SIX4: variants seen among roughly 807,000 people sequenced by gnomAD.
The protein encoded by SIX4 is homeobox protein SIX4.
In SIX4, 23 loss-of-function variants were observed where a neutral mutation model predicts 51.5. That is an observed-to-expected ratio of 0.45 (90% CI 0.32 to 0.63). The LOEUF is 0.63. Ranked by LOEUF, SIX4 falls within the 30% of genes least tolerant of loss-of-function variation. SIX4 has a pLI of 0.04. For missense variants in SIX4, 867 were observed against 984.0 expected, an observed-to-expected ratio of 0.88 and a Z score of 1.59; for synonymous variants, 413 against 417.3, an observed-to-expected ratio of 0.99 and a Z score of 0.13.
chr14:60,723,938 G>A lies in SIX4; in HGVS notation c.137C>T (p.Pro46Leu), dbSNP rs1004539507. 3 of 1,509,668 alleles carry A rather than the reference G, an allele frequency of 2.0e-6. No homozygotes were observed. The highest frequency in any genetic ancestry group is 2.9e-5 in the African/African-American group (2 of 69,974). The allele number at this position is 1,509,668 out of a possible 1,614,324, so 93.5% of individuals were successfully genotyped here. A position where few individuals can be genotyped will look rare whatever the true frequency, so the allele number is the denominator to read the frequency against. Reference sequence around the variant, plus strand: ...CTCCAGGGGAAAAGGGGCTGGAGCCGGGGGGCTCAGCCCTACCGCCGCGCC... The same window carrying A: ...CTCCAGGGGAAAAGGGGCTGGAGCCAGGGGGCTCAGCCCTACCGCCGCGCC... ...AGGAAVGLSP[P>L]APAPFPLEPG... Residue 46 changes from proline (P) to leucine (L), a missense_variant, in exon 1 of 3, where the codon CCG becomes CTG. Coordinates refer to ENST00000216513, the MANE Select transcript of SIX4 (RefSeq NM_017420.5).
At position 60,713,898 on chromosome 14, in the gene SIX4, T is replaced by G. The variant is rs769482939; in HGVS notation, c.1855A>C (p.Asn619His). Residue 619 changes from asparagine to histidine, a missense_variant, in exon 3 of 3, where the codon AAT becomes CAT. Physicochemically the swap from Asn to His is moderately conservative, Grantham distance 68. Transcript: ENST00000216513. Reference protein sequence around the residue: ...SSLVNVSPTHNFSLSPSTLLN... With the variant: ...SSLVNVSPTHHFSLSPSTLLN... ...AGTGTAGAGGGACTGAGAGAAAAAT[T>G]GTGAGTTGGAGATACATTAACTAAT... The G allele has an allele frequency of 1.2e-6, 2 of 1,613,972 alleles. No individual in the cohort carries two copies. The highest frequency in any genetic ancestry group is 2.7e-5 in the African/African-American group (2 of 74,892).
Position 60,720,008 on chromosome 14 carries a change from G to A in SIX4, c.1301C>T (p.Thr434Met), listed in dbSNP as rs775441122. The A allele has an allele frequency of 1.9e-5, 30 of 1,614,108 alleles. No homozygotes were observed. Among genetic ancestry groups the A allele is most frequent in the Middle Eastern group, 1.6e-4 (1 of 6,084 alleles). The change falls in exon 2 of 3, where the codon ACG becomes ATG. Residue 434 changes from threonine to methionine, a missense_variant. Transcript: ENST00000216513. This position sits in a 1 kb window ranked among gnomAD's most constrained non-coding sequence, Gnocchi z 5.5. ...GACAGGGACACTGGGGCTGTAGGAC[G>A]TGGTGGTTGCTGAGTTAGCAGAACT... Reference protein sequence around the residue: ...LQSSANSATTTSYSPSVPVSF... With the variant: ...LQSSANSATTMSYSPSVPVSF...
rs768191954 is a variant in SIX4, at chr14:60,723,548, G to A, written c.527C>T (p.Ser176Leu). 9 of 1,608,966 alleles carry A rather than the reference G, an allele frequency of 5.6e-6. No homozygotes were observed. Among genetic ancestry groups the A allele is most frequent in the South Asian group, 1.1e-5 (1 of 90,938 alleles). ...YSILESHSFE[S>L]ANHPLLQQLW... The stretch of plus-strand genomic sequence containing the variant: ...CTGCTGCAGCAGCGGGTGGTTGGCC[G>A]ACTCGAAGCTGTGGCTCTCGAGGAT... The change falls in exon 1 of 3, where the codon TCG (serine) becomes TTG (leucine). Residue 176 changes from serine to leucine, a missense_variant. Coordinates refer to ENST00000216513, the MANE Select transcript of SIX4 (RefSeq NM_017420.5).
Position 60,714,133 on chromosome 14 carries a change from T to G in SIX4, c.1620A>C (p.Gln540His). 1 of 1,613,626 alleles carries G rather than the reference T, an allele frequency of 6.2e-7. No homozygotes were observed. Among genetic ancestry groups the G allele is most frequent in the Non-Finnish European group, 8.5e-7 (1 of 1,179,986 alleles). Residue 540 changes from glutamine (Q) to histidine (H), a missense_variant, in exon 3 of 3, where the codon CAA (glutamine) becomes CAC (histidine). Transcript: ENST00000216513. The stretch of plus-strand genomic sequence containing the variant: ...CAAGAGAGCTCAAGAAAACCTTTCC[T>G]TGCTGGACTGTGGTAGACTCACTTG... ...TFTSESTTVQ[Q>H]GKVFLSSLAP...
At chr14:60,718,364 A>G (rs1895958529) in intron 2 of SIX4, among the ~76,000 whole-genome samples, 1 of 152,190 alleles carries the variant, frequency 6.6e-6, no homozygotes, top group Admixed American at 6.5e-5. Context: ...TGTCCCATTT[A>G]AAAACTCAGC....
In SIX4 at chr14:60,723,612, C is replaced by T; in HGVS notation, c.463G>A (p.Val155Met). ...GGGTAGATGCCCTGGTGGAAGGCCA[C>T]GAGCGCCCGCGCCTTCAGCAGGCTC... ...NESLLKARAL[V>M]AFHQGIYPEL... The change falls in exon 1 of 3, where the codon GTG becomes ATG. Residue 155 changes from valine to methionine, a missense_variant. Physicochemically the swap from Val to Met is conservative, Grantham distance 21. Coordinates refer to ENST00000216513, the MANE Select transcript of SIX4 (RefSeq NM_017420.5). 2 of 1,608,538 alleles carry T rather than the reference C, an allele frequency of 1.2e-6. No individual in the cohort carries two copies. The highest frequency in any genetic ancestry group is 1.7e-5 in the Admixed American group (1 of 59,338).
Position 60,723,766 on chromosome 14 carries a change from C to T in SIX4, c.309G>A (p.Gln103=). The T allele has an allele frequency of 1.3e-6, 2 of 1,539,676 alleles. No individual in the cohort carries two copies. The highest frequency in any genetic ancestry group is 1.7e-6 in the Non-Finnish European group (2 of 1,147,222). The change falls in exon 1 of 3, where the codon CAG becomes CAA. Residue 103 remains glutamine (Q), a synonymous_variant. Transcript: ENST00000216513. ...GGTCGGGCGAGAAGGCCAGCGGGGT[C>T]TGCGCGGCGGCGGCGGCGGCGTGGT... ...RHHHAAAAAA[Q]TPLAFSPDHV...
Position 60,716,169 on chromosome 14 carries a change from C to A in SIX4, c.1550-1966G>T, listed in dbSNP as rs1356319237. Among the ~76,000 whole-genome samples, 3 of 151,582 alleles carry A rather than the reference C, an allele frequency of 2.0e-5. No individual in the cohort carries two copies. The East Asian group carries it at 5.9e-4, about 30-fold the overall frequency. On this transcript the variant is annotated intron_variant, in intron 2 of 2. Transcript: ENST00000216513. ...GAACGTGGCTCACTGCAGCCTCGAT[C>A]TCCTGGGCCCAAGCAATCCCTCCCA...
intron 2 of SIX4, among the ~76,000 whole-genome samples, chr14:60,714,647 C>T (rs140822560): frequency 8.0e-4 from 121 of 151,724 alleles, no homozygotes; most frequent in African/African-American, 2.8e-3. Context: ...TAGAACATGT[C>T]AAAGGTTCTG....
Position 60,713,637 on chromosome 14 carries a change from C to T in SIX4, c.2116G>A (p.Asp706Asn). 6.2e-7 allele frequency: 1 copy of T among 1,614,200 alleles called. No individual in the cohort carries two copies. Among genetic ancestry groups the T allele is most frequent in the South Asian group, 1.1e-5 (1 of 91,070 alleles). ...VGHPSPAVHQDFVQEHRLVLQ... is the reference protein window; with the variant it reads ...VGHPSPAVHQNFVQEHRLVLQ... ...ACCAAACGATGTTCTTGGACAAAATCCTGATGTACTGCTGGGGAGGGGTGA... is the reference window on the plus strand; with the variant it reads ...ACCAAACGATGTTCTTGGACAAAATTCTGATGTACTGCTGGGGAGGGGTGA... Residue 706 changes from aspartate to asparagine, a missense_variant, in exon 3 of 3, where the codon GAT (aspartate) becomes AAT (asparagine). By Grantham distance (23) the Asp-to-Asn change is conservative. Transcript: ENST00000216513.
At position 60,722,977 on chromosome 14, in the gene SIX4, C is replaced by T; in HGVS notation, c.863+235G>A. 1.3e-6 allele frequency: 1 copy of T among 767,804 alleles called. No homozygotes were observed. Among genetic ancestry groups the T allele is most frequent in the Non-Finnish European group, 1.9e-6 (1 of 521,150 alleles). 47.6% of individuals were successfully genotyped at this position (767,804 alleles called of 1,614,324 possible). A position where few individuals can be genotyped will look rare whatever the true frequency, so the allele number is the denominator to read the frequency against. The stretch of plus-strand genomic sequence containing the variant: ...CGGGGACTGAGACCTAGGCGGGCGA[C>T]CAGAAACTTCTGGGGGGAGAGGGGG... On this transcript the variant is annotated intron_variant, in intron 1 of 2. Coordinates refer to ENST00000216513, the MANE Select transcript of SIX4 (RefSeq NM_017420.5). The surrounding 1 kb of genome is among the most constrained non-coding windows in gnomAD (Gnocchi z 5.9).
rs1300420781 is a variant in SIX4, at chr14:60,712,578, C to A, written c.*829G>T. On this transcript the variant is annotated 3_prime_UTR_variant, in exon 3 of 3. Coordinates refer to ENST00000216513, the MANE Select transcript of SIX4 (RefSeq NM_017420.5). ...ACCTTAATAGATTCCTGGTAAAAAT[C>A]ATTATTTTTAAAATCCTACAAAAAG... 1.3e-5 allele frequency: 2 copies of A among 152,402 alleles called. No homozygotes were observed. Among genetic ancestry groups the A allele is most frequent in the Non-Finnish European group, 2.9e-5 (2 of 67,992 alleles). The allele number at this position is 152,402 out of a possible 1,614,324, so 9.4% of individuals were successfully genotyped here. A position where few individuals can be genotyped will look rare whatever the true frequency, so the allele number is the denominator to read the frequency against.
chr14:60,724,083 G>T lies in SIX4; in HGVS notation c.-9C>A, dbSNP rs1369709093. The T allele has an allele frequency of 5.2e-6, 8 of 1,552,496 alleles. No homozygotes were observed. Among genetic ancestry groups the T allele is most frequent in the Admixed American group, 3.8e-5 (2 of 52,218 alleles). Reference sequence around the variant, plus strand: ...GGGGAGGAAGAGGACATTTTTTGTTGTTTATTTTCCTCCCTCCCTCACTCC... The same window carrying T: ...GGGGAGGAAGAGGACATTTTTTGTTTTTTATTTTCCTCCCTCCCTCACTCC... On this transcript the variant is annotated 5_prime_UTR_variant, in exon 1 of 3. Transcript: ENST00000216513.
At chr14:60,716,399 C>A (rs893788934) in intron 2 of SIX4, among the ~76,000 whole-genome samples, 2 of 151,660 alleles carry the variant, frequency 1.3e-5, no homozygotes, top group African/African-American at 4.9e-5. Context: ...ATTACAGGCA[C>A]GCACCACCAT....
intron 2 of SIX4, 63 bp from the exon 3 acceptor site, chr14:60,714,266 C>A (rs1326277552): frequency 2.1e-6 from 3 of 1,418,214 alleles, no homozygotes; most frequent in Non-Finnish European, 2.8e-6. Flanking sequence ...AAAAGTTACA[C>A]ACACGTTTTT....
chr14:60,713,841 C>T lies in SIX4; in HGVS notation c.1912G>A (p.Ala638Thr). Residue 638 changes from alanine to threonine, a missense_variant, in exon 3 of 3, where the codon GCC becomes ACC. Coordinates refer to ENST00000216513, the MANE Select transcript of SIX4 (RefSeq NM_017420.5). ...LNPTELNRDI[A>T]DSQPMSAPVA... ...GGTGCAGACATTGGTTGGCTATCGG[C>T]AATGTCGCGGTTTAGCTCAGTGGGA... The T allele has an allele frequency of 6.2e-7, 1 of 1,614,124 alleles. No homozygotes were observed. The highest frequency in any genetic ancestry group is 8.5e-7 in the Non-Finnish European group (1 of 1,180,026).
chr14:60,714,616 G>T (rs575197905), intron 2 of SIX4, among the ~76,000 whole-genome samples: 2 of 151,920 alleles, frequency 1.3e-5, no homozygotes, highest in Non-Finnish European at 2.9e-5. Context: ...TATGTCTCAT[G>T]ACCTCGAACG....
chr14:60,723,279 G>C lies in SIX4; in HGVS notation c.796C>G (p.Gln266Glu). 3 of 1,613,558 alleles carry C rather than the reference G, an allele frequency of 1.9e-6. No individual in the cohort carries two copies. The highest frequency in any genetic ancestry group is 2.5e-6 in the Non-Finnish European group (3 of 1,179,986). ...CGGTTCTTGAACCAGTTGCTGACCT[G>C]GGTGAGGGAGAGGCCGGTGATCTTG... ...LAKITGLSLT[Q>E]VSNWFKNRRQ... The change falls in exon 1 of 3, where the codon CAG becomes GAG. Residue 266 changes from glutamine to glutamate, a missense_variant. Physicochemically the swap from Gln to Glu is conservative, Grantham distance 29. Coordinates refer to ENST00000216513, the MANE Select transcript of SIX4 (RefSeq NM_017420.5).
rs1896092174 is a variant in SIX4, at chr14:60,724,037, G to T, written c.38C>A (p.Ala13Glu). ...CCCATTCTCTTGCTTGATGTCCGCC[G>T]CACTTGCGATCTGCCCGGTGGGGGA... Reference protein sequence around the residue: ...SSSPTGQIASAADIKQENGME... With the variant: ...SSSPTGQIASEADIKQENGME... The change falls in exon 1 of 3, where the codon GCG (alanine) becomes GAG (glutamate). Residue 13 changes from alanine to glutamate, a missense_variant. By Grantham distance (107) the Ala-to-Glu change is moderately radical. Transcript: ENST00000216513. The T allele has an allele frequency of 6.5e-7, 1 of 1,529,686 alleles. No homozygotes were observed. Among genetic ancestry groups the T allele is most frequent in the Non-Finnish European group, 8.8e-7 (1 of 1,138,788 alleles). The allele number at this position is 1,529,686 out of a possible 1,614,324, so 94.8% of individuals were successfully genotyped here.
Sources: gnomAD v4.1 joint callset for allele counts (sites outside exome capture counted in the v4.1 genomes callset) on GRCh38, gnomAD v4.1.1 for gene constraint, Gnocchi (gnomAD v3.1) non-coding constraint, MANE v1.5 for transcripts, NCBI Gene and HGNC (gene_info 2026-07-23, HGNC 2026-07-21) for gene names.